The following ENTPD1 variants were observed in gnomAD, a reference collection of about 807,000 sequenced individuals.
ENTPD1 encodes the protein ectonucleoside triphosphate diphosphohydrolase 1.
ENTPD1 carries 33 observed loss-of-function variants against 57.0 expected under a neutral mutation model. The ratio of observed to expected loss-of-function variants is 0.58; its 90% CI spans 0.44 to 0.77. The LOEUF (loss-of-function observed/expected upper bound fraction) is 0.77. Among genes scored for constraint, ENTPD1 ranks in the 30% least tolerant of loss-of-function variants. ENTPD1 has a pLI of 0.00. For missense variants in ENTPD1, 501 were observed against 603.4 expected (o/e 0.83, Z 1.78); for synonymous variants, 202 against 218.8 (o/e 0.92, Z 0.68).
intron 7 of ENTPD1, among the ~76,000 whole-genome samples, chr10:95,852,374 G>C (rs1381988250): frequency 1.3e-5 from 2 of 152,190 alleles, no homozygotes; most frequent in African/African-American, 4.8e-5. Context: ...CTCCCATTCT[G>C]TAGGTTGCCT....
At chr10:95,702,822 G>A in the ENTPD1 span, among the ~76,000 whole-genome samples, 2 of 152,070 alleles carry the variant, frequency 1.3e-5, no homozygotes, top group African/African-American at 4.8e-5. Context: ...TCACTCTGTC[G>A]CCCATGCTGG....
intron 1 of ENTPD1, among the ~76,000 whole-genome samples, chr10:95,772,914 G>A (rs1465062543): frequency 6.6e-6 from 1 of 152,176 alleles, no homozygotes; most frequent in Non-Finnish European, 1.5e-5. Flanking sequence ...ACCAGAGACA[G>A]GGAAATTTAT....
chr10:95,745,287 G>A (rs2098004814), intron 1 of ENTPD1, among the ~76,000 whole-genome samples: 1 of 152,132 alleles, frequency 6.6e-6, no homozygotes, highest in African/African-American at 2.4e-5. Context: ...GGGCTCAAGT[G>A]ATCCTCTTGC....
rs532393386 is a variant in ENTPD1 at position 95,876,496 on chromosome 10, T to C, written c.*10113T>C. 8.1e-7 allele frequency: 1 copy of C among 1,231,370 alleles called. No homozygotes were observed. The highest frequency in any genetic ancestry group is 1.6e-5 in the African/African-American group (1 of 64,414). The allele number at this position is 1,231,370 out of a possible 1,614,324, so 76.3% of individuals were successfully genotyped here. ...ATATGTCTCTCTGTCCTATTCTGTA[T>C]CTGTATCTCTTGGATTTTTACCTTT... On this transcript the variant is annotated 3_prime_UTR_variant, in exon 10 of 10. Transcript: ENST00000371205.
intron 1 of ENTPD1, among the ~76,000 whole-genome samples, chr10:95,727,113 A>C (rs1484315008): frequency 6.6e-6 from 1 of 152,152 alleles, no homozygotes; most frequent in Admixed American, 6.6e-5. Context: ...TAGTCAGGTT[A>C]TGAGATTTGT....
chr10:95,802,415 C>A (rs571942582), intron 1 of ENTPD1, among the ~76,000 whole-genome samples: 17 of 151,956 alleles, frequency 1.1e-4, no homozygotes, highest in African/African-American at 2.9e-4. Context: ...ATTAGCATAT[C>A]CATGAATTTT....
chr10:95,756,214 G>A lies in ENTPD1; in HGVS notation c.-26G>A, dbSNP rs373682511. On this transcript the variant is annotated 5_prime_UTR_variant, in exon 1 of 10. Coordinates refer to ENST00000371205, the MANE Select transcript of ENTPD1 (RefSeq NM_001776.6). ...GCTGGGGGGGGGAAAGACGAGGAAA[G>A]AGGAGGAAAACAAAAGCTGCTACTT... The A allele has an allele frequency of 5.7e-6, 9 of 1,590,728 alleles. No homozygotes were observed. The highest frequency in any genetic ancestry group is 3.3e-4 in the Middle Eastern group (2 of 6,042).
intron 1 of ENTPD1, among the ~76,000 whole-genome samples, chr10:95,808,434 C>T (rs368030902): frequency 3.9e-5 from 6 of 152,120 alleles, no homozygotes; most frequent in South Asian, 2.1e-4. Context: ...TCATATGCCT[C>T]GTAGAATGAG....
intron 1 of ENTPD1, among the ~76,000 whole-genome samples, chr10:95,722,766 C>T (rs1015839912): frequency 5.3e-5 from 8 of 152,244 alleles, no homozygotes; most frequent in Admixed American, 6.5e-5. Context: ...TAGGTCTGGT[C>T]GGACCTTTGT....
At chr10:95,712,032 C>A in intron 1 of ENTPD1, 2 of 1,609,062 alleles carry the variant, frequency 1.2e-6, no homozygotes, top group Non-Finnish European at 1.7e-6. Flanking sequence ...GGCCTCTCTC[C>A]CTCTGTGGAA....
At chr10:95,784,615 G>A (rs1383365280) in intron 1 of ENTPD1, among the ~76,000 whole-genome samples, 1 of 152,184 alleles carries the variant, frequency 6.6e-6, no homozygotes, top group Non-Finnish European at 1.5e-5. Flanking sequence ...CCTTTGTCTT[G>A]CTGTTGTCGC....
chr10:95,762,310 A>G (rs556014721), intron 1 of ENTPD1, among the ~76,000 whole-genome samples: 1 of 151,908 alleles, frequency 6.6e-6, no homozygotes, highest in South Asian at 2.1e-4. Flanking sequence ...GCACATGCCC[A>G]TTAAAGAAAA....
chr10:95,850,694 G>C (rs576946843), intron 7 of ENTPD1, among the ~76,000 whole-genome samples: 1 of 152,158 alleles, frequency 6.6e-6, no homozygotes, highest in Non-Finnish European at 1.5e-5. Flanking sequence ...AGCAAAAAGC[G>C]GGCATACCCC....
intron 1 of ENTPD1, among the ~76,000 whole-genome samples, chr10:95,731,427 C>T (rs1023861706): frequency 6.6e-6 from 1 of 152,276 alleles, no homozygotes; most frequent in East Asian, 1.9e-4. Context: ...ACCCATGTAC[C>T]CTCAGCCCTC....
At chr10:95,736,076 C>T (rs910042708) in intron 1 of ENTPD1, among the ~76,000 whole-genome samples, 3 of 150,088 alleles carry the variant, frequency 2.0e-5, no homozygotes, top group Admixed American at 1.3e-4. Flanking sequence ...CCTCAGCTCA[C>T]TGCAACATCC....
At chr10:95,817,419 T>G (rs2098333774) in intron 1 of ENTPD1, among the ~76,000 whole-genome samples, 1 of 152,174 alleles carries the variant, frequency 6.6e-6, no homozygotes, top group African/African-American at 2.4e-5. Flanking sequence ...GGCCACACCC[T>G]CTCTCTCCAG....
chr10:95,747,311 T>C (rs2098007124), intron 1 of ENTPD1, among the ~76,000 whole-genome samples: 1 of 152,228 alleles, frequency 6.6e-6, no homozygotes, highest in African/African-American at 2.4e-5. Context: ...CGTATATTCA[T>C]CTATAACTAA....
At chr10:95,712,850 C>T (rs1297442632) in intron 1 of ENTPD1, among the ~76,000 whole-genome samples, 1 of 151,968 alleles carries the variant, frequency 6.6e-6, no homozygotes, top group Non-Finnish European at 1.5e-5. Context: ...CTGGCTAACA[C>T]GATGAAACCC....
In ENTPD1 at chr10:95,766,464, A is replaced by G. The variant is rs114436481; in HGVS notation, c.16+10209A>G. On this transcript the variant is annotated intron_variant, in intron 1 of 9. Transcript: ENST00000371205. The stretch of plus-strand genomic sequence containing the variant: ...TCTAACAGTGCTTCAAATAATAATG[A>G]CTTCATGCTCTTAATGCAATTAAGA... Among the ~76,000 whole-genome samples, 767 of 152,274 alleles carry G rather than the reference A, an allele frequency of 5.0e-3. 9 individuals carry two copies. Among genetic ancestry groups the G allele is most frequent in the African/African-American group, 0.018 (738 of 41,556 alleles).
Sources: gnomAD v4.1 joint callset for allele counts (sites outside exome capture counted in the v4.1 genomes callset) on GRCh38, gnomAD v4.1.1 for gene constraint, MANE v1.5 for transcripts, NCBI Gene and HGNC (gene_info 2026-07-23, HGNC 2026-07-21) for gene names.